The following ZNF385B variants were observed in gnomAD, a reference collection of about 807,000 sequenced individuals.
ZNF385B encodes zinc finger protein 385B.
A neutral mutation model predicts 39.2 loss-of-function variants in ZNF385B; 23 were observed. The observed-to-expected ratio is 0.59, with a 90% CI of 0.42 to 0.83. ZNF385B has a LOEUF of 0.83. Ranked by LOEUF, ZNF385B falls within the 40% of genes least tolerant of loss-of-function variation. The pLI, the probability that ZNF385B is intolerant of heterozygous loss-of-function variation, is 0.00. For synonymous variants in ZNF385B, 205 were observed against 222.6 expected, an observed-to-expected ratio of 0.92 and a Z score of 0.70; for missense variants, 552 against 598.9, an observed-to-expected ratio of 0.92 and a Z score of 0.82.
chr2:179,599,234 T>C (rs1340531445), intron 3 of ZNF385B, among the ~76,000 whole-genome samples: 1 of 152,222 alleles, frequency 6.6e-6, no homozygotes, highest in East Asian at 1.9e-4. Flanking sequence ...CTATGCCCTT[T>C]GAGTTTCATG....
chr2:179,809,572 A>G (rs1706606625), intron 1 of ZNF385B, among the ~76,000 whole-genome samples: 4 of 152,114 alleles, frequency 2.6e-5, no homozygotes, highest in Admixed American at 2.6e-4. Context: ...AAATTTAATC[A>G]TAGATTCAAC....
intron 4 of ZNF385B, among the ~76,000 whole-genome samples, chr2:179,524,789 G>A (rs1232301125): frequency 6.6e-6 from 1 of 152,082 alleles, no homozygotes; most frequent in Non-Finnish European, 1.5e-5. Flanking sequence ...AGGCATGAGA[G>A]GCACAAAAAG....
intron 3 of ZNF385B, among the ~76,000 whole-genome samples, chr2:179,592,740 G>A (rs1431175902): frequency 1.3e-5 from 2 of 152,000 alleles, no homozygotes; most frequent in Non-Finnish European, 2.9e-5. Flanking sequence ...AAAATTAAAC[G>A]GAAGTATGTT....
intron 3 of ZNF385B, among the ~76,000 whole-genome samples, chr2:179,654,437 T>C (rs1693530063): frequency 6.6e-6 from 1 of 152,156 alleles, no homozygotes; most frequent in African/African-American, 2.4e-5. Context: ...GCCAGGGCTC[T>C]TGTCCAGCCT....
intron 1 of ZNF385B, among the ~76,000 whole-genome samples, chr2:179,797,383 A>C (rs1346750059): frequency 6.6e-6 from 1 of 152,246 alleles, no homozygotes; most frequent in Non-Finnish European, 1.5e-5. Context: ...TAAAAAATAC[A>C]TAACCACACA....
chr2:179,857,356 A>C (rs564877594), intron 1 of ZNF385B, among the ~76,000 whole-genome samples: 1 of 152,344 alleles, frequency 6.6e-6, no homozygotes, highest in East Asian at 1.9e-4. Context: ...GCACATATAT[A>C]TCAGGAAGAC....
intron 1 of ZNF385B, among the ~76,000 whole-genome samples, chr2:179,779,735 G>GGAGA (rs1315727675): frequency 1.3e-5 from 2 of 152,028 alleles, no homozygotes; most frequent in African/African-American, 4.8e-5. Context: ...GGGGGCAGAG[G>GGAGA]GAGAGACTAG....
At chr2:179,674,321 C>A (rs1465657179) in intron 3 of ZNF385B, among the ~76,000 whole-genome samples, 1 of 152,110 alleles carries the variant, frequency 6.6e-6, no homozygotes, top group African/African-American at 2.4e-5. Context: ...TGTAATTGAG[C>A]AACTATGACG....
intron 3 of ZNF385B, among the ~76,000 whole-genome samples, chr2:179,754,952 C>G (rs1337578934): frequency 5.3e-5 from 8 of 152,052 alleles, no homozygotes; most frequent in East Asian, 1.9e-4. Flanking sequence ...TCTGATCTTA[C>G]TTATTTCTTG....
At chr2:179,691,433 T>A (rs1232026830) in intron 3 of ZNF385B, among the ~76,000 whole-genome samples, 1 of 152,222 alleles carries the variant, frequency 6.6e-6, no homozygotes, top group African/African-American at 2.4e-5. Context: ...CATGCCACAA[T>A]ATTTTAACCA....
intron 3 of ZNF385B, among the ~76,000 whole-genome samples, chr2:179,721,039 G>GA (rs1261925469): frequency 1.3e-5 from 2 of 151,112 alleles, no homozygotes; most frequent in Non-Finnish European, 2.9e-5. Flanking sequence ...AAAGCACTGG[G>GA]ACTACAGAAA....
intron 3 of ZNF385B, among the ~76,000 whole-genome samples, chr2:179,718,900 A>G (rs1700502597): frequency 6.6e-6 from 1 of 151,854 alleles, no homozygotes; most frequent in Admixed American, 6.6e-5. Flanking sequence ...AGCAGACAGC[A>G]GAAGGAGAAG....
intron 4 of ZNF385B, among the ~76,000 whole-genome samples, chr2:179,543,250 C>T (rs548552299): frequency 5.3e-5 from 8 of 151,468 alleles, no homozygotes; most frequent in East Asian, 1.9e-4. Context: ...ACAGCCTGGG[C>T]GACAGAGCAA....
chr2:179,543,840 G>A (rs2105904414), intron 4 of ZNF385B, among the ~76,000 whole-genome samples: 1 of 152,210 alleles, frequency 6.6e-6, no homozygotes, highest in Admixed American at 6.5e-5. Context: ...AGATTTTATT[G>A]ACAATCCTTA....
At chr2:179,852,497 G>C (rs1437029629) in intron 1 of ZNF385B, among the ~76,000 whole-genome samples, 1 of 152,200 alleles carries the variant, frequency 6.6e-6, no homozygotes, top group Non-Finnish European at 1.5e-5. Flanking sequence ...AGATTTTGTA[G>C]GGTTAGGTTT....
chr2:179,711,881 ATTTTTT>A (rs747336802), intron 3 of ZNF385B, among the ~76,000 whole-genome samples: 1 of 90,930 alleles, frequency 1.1e-5, no homozygotes, highest in African/African-American at 4.4e-5. Context: ...TATAAACTGC[ATTTTTT>A]TTTTTTTTTT....
chr2:179,687,058 C>T (rs1447327300), intron 3 of ZNF385B, among the ~76,000 whole-genome samples: 1 of 150,056 alleles, frequency 6.7e-6, no homozygotes, highest in African/African-American at 2.5e-5. Context: ...AAAATTATCA[C>T]AGCCATATTT....
intron 3 of ZNF385B, among the ~76,000 whole-genome samples, chr2:179,596,667 A>T (rs1322379847): frequency 6.6e-6 from 1 of 152,210 alleles, no homozygotes; most frequent in Admixed American, 6.5e-5. Flanking sequence ...GTTTCAGCAA[A>T]GAGTTGTACA....
chr2:179,661,375 A>G (rs1275224107), intron 3 of ZNF385B, among the ~76,000 whole-genome samples: 2 of 152,206 alleles, frequency 1.3e-5, no homozygotes. Flanking sequence ...TGAGGCCTTG[A>G]ACTTGAACTG....
Sources: allele counts gnomAD v4.1 joint callset (sites outside exome capture counted in the v4.1 genomes callset), GRCh38; gene constraint gnomAD v4.1.1; transcripts MANE v1.5; gene names NCBI Gene and HGNC (gene_info 2026-07-23, HGNC 2026-07-21).